The following ATE1 variants were observed in gnomAD, a reference collection of about 807,000 sequenced individuals.
ATE1 encodes arginyltransferase 1, also known as arginyl-tRNA--protein transferase 1.
A neutral mutation model predicts 70.5 loss-of-function variants in ATE1; 36 were observed. The ratio of observed to expected loss-of-function variants is 0.51; its 90% confidence interval spans 0.39 to 0.67. ATE1 has a LOEUF of 0.67. Among genes scored for constraint, ATE1 ranks in the 30% least tolerant of loss-of-function variants. ATE1 has a pLI of 0.00. For missense variants in ATE1, 593 were observed against 629.5 expected, an observed-to-expected ratio of 0.94 and a Z score of 0.62; for synonymous variants, 232 against 219.3, an observed-to-expected ratio of 1.06 and a Z score of -0.51.
intron 8 of ATE1, among the ~76,000 whole-genome samples, chr10:121,843,677 A>G (rs557709241): frequency 1.3e-5 from 2 of 152,196 alleles, no homozygotes; most frequent in African/African-American, 4.8e-5. Context: ...GCAATAGAGA[A>G]AGAATACTCT....
intron 5 of ATE1, among the ~76,000 whole-genome samples, chr10:121,905,031 C>T (rs1045258547): frequency 9.2e-5 from 14 of 152,204 alleles, no homozygotes; most frequent in African/African-American, 3.4e-4. Flanking sequence ...TGTCTTTTCT[C>T]AAATTTGCTC....
In ATE1 at chr10:121,927,796, G is replaced by A. The variant is rs372104835; in HGVS notation, c.106+48C>T. On this transcript the variant is annotated intron_variant, in intron 1 of 11. Coordinates refer to ENST00000224652, the MANE Select transcript of ATE1 (RefSeq NM_001001976.3). Reference sequence around the variant, plus strand: ...CCTCGCTGGGGGACCCTGGGATCCCGAGACCCGGGCGCCCGGCTTCCCACG... The same window carrying A: ...CCTCGCTGGGGGACCCTGGGATCCCAAGACCCGGGCGCCCGGCTTCCCACG... The A allele has an allele frequency of 7.6e-5, 115 of 1,518,932 alleles. 2 individuals carry two copies. The highest frequency in any genetic ancestry group is 2.3e-4 in the Middle Eastern group (1 of 4,264). 94.1% of individuals were successfully genotyped at this position (1,518,932 alleles called of 1,614,324 possible).
intron 10 of ATE1, among the ~76,000 whole-genome samples, chr10:121,826,361 A>C (rs1948011870): frequency 6.6e-6 from 1 of 152,098 alleles, no homozygotes; most frequent in Non-Finnish European, 1.5e-5. Context: ...GCTGGAGTGC[A>C]GTGGCGCAAT....
chr10:121,794,787 G>A (rs892253966), intron 10 of ATE1, among the ~76,000 whole-genome samples: 2 of 152,136 alleles, frequency 1.3e-5, no homozygotes, highest in South Asian at 4.2e-4. Flanking sequence ...AAAAAGCACA[G>A]GACAAATATC....
intron 7 of ATE1, among the ~76,000 whole-genome samples, chr10:121,892,061 T>G (rs1169477688): frequency 6.6e-6 from 1 of 152,198 alleles, no homozygotes; most frequent in East Asian, 1.9e-4. Flanking sequence ...AAAGTACATT[T>G]GAACTCCACA....
chr10:121,841,683 G>GT (rs1948634697), intron 8 of ATE1, among the ~76,000 whole-genome samples: 1 of 152,092 alleles, frequency 6.6e-6, no homozygotes, highest in Admixed American at 6.6e-5. Flanking sequence ...ACCAAACACT[G>GT]TATCTTCTCA....
chr10:121,786,907 TA>T (rs1239651055), intron 11 of ATE1, among the ~76,000 whole-genome samples: 1 of 152,198 alleles, frequency 6.6e-6, no homozygotes, highest in Non-Finnish European at 1.5e-5. Context: ...GTTACTAATT[TA>T]AAAAATCTAA....
chr10:121,789,664 G>T (rs1397032029), intron 11 of ATE1, among the ~76,000 whole-genome samples: 2 of 152,044 alleles, frequency 1.3e-5, no homozygotes, highest in Non-Finnish European at 2.9e-5. Context: ...GAACAATGGG[G>T]AACAAAATAT....
At chr10:121,836,206 TC>T (rs1331570647) in intron 10 of ATE1, among the ~76,000 whole-genome samples, 1 of 152,130 alleles carries the variant, frequency 6.6e-6, no homozygotes, top group African/African-American at 2.4e-5. Flanking sequence ...ACCCATGTCC[TC>T]CTAGGCCACT....
intron 11 of ATE1, among the ~76,000 whole-genome samples, chr10:121,745,451 T>A (rs1339139520): frequency 3.9e-5 from 6 of 152,296 alleles, no homozygotes; most frequent in South Asian, 2.1e-4. Context: ...GTGCAGTGGC[T>A]CACGCCTGTA....
chr10:121,789,808 T>C (rs954862116), intron 11 of ATE1, among the ~76,000 whole-genome samples: 2 of 152,186 alleles, frequency 1.3e-5, no homozygotes, highest in African/African-American at 2.4e-5. Context: ...TTGGTCAATA[T>C]TTCCATCTTC....
chr10:121,842,800 C>A (rs1345340770), intron 8 of ATE1, among the ~76,000 whole-genome samples: 1 of 152,106 alleles, frequency 6.6e-6, no homozygotes, highest in Non-Finnish European at 1.5e-5. Context: ...CAAGACCCAA[C>A]ACCTATTCAT....
chr10:121,851,976 C>A (rs1431461973), intron 8 of ATE1, among the ~76,000 whole-genome samples: 1 of 152,254 alleles, frequency 6.6e-6, no homozygotes, highest in Admixed American at 6.5e-5. Context: ...TCCAGCCAAA[C>A]TGCTCCCAAA....
intron 10 of ATE1, among the ~76,000 whole-genome samples, chr10:121,836,434 A>G (rs1948435460): frequency 6.6e-6 from 1 of 152,146 alleles, no homozygotes; most frequent in African/African-American, 2.4e-5. Context: ...GGCTACGCAT[A>G]CTCAGGAAAC....
chr10:121,898,307 A>G (rs1447802407), intron 7 of ATE1, among the ~76,000 whole-genome samples: 1 of 152,222 alleles, frequency 6.6e-6, no homozygotes, highest in Non-Finnish European at 1.5e-5. Context: ...AATAAATTAC[A>G]TGAGATATTC....
chr10:121,841,246 AT>A lies in ATE1; in HGVS notation c.992del (p.Asn331MetfsTer25). 1 of 1,521,766 alleles carries A rather than the reference AT, an allele frequency of 6.6e-7. No individual in the cohort carries two copies. Among genetic ancestry groups the A allele is most frequent in the Non-Finnish European group, 8.9e-7 (1 of 1,127,794 alleles). The allele number at this position is 1,521,766 out of a possible 1,614,324, so 94.3% of individuals were successfully genotyped here. A position where few individuals can be genotyped will look rare whatever the true frequency, so the allele number is the denominator to read the frequency against. ...AGGAGCCATAGCCACAATCTGGCCCATTAGGGGGAGTCTCTGCCTAAGAAAA... is the reference window on the plus strand; with the variant it reads ...AGGAGCCATAGCCACAATCTGGCCCATAGGGGGAGTCTCTGCCTAAGAAAA... ...SSPLEAETPP[N>X]GPDCGYGSFH... is the part of the protein sequence containing the mutation. On this transcript the variant is annotated frameshift_variant, in exon 9 of 12. Transcript: ENST00000224652. LOFTEE classifies it high-confidence loss of function.
At chr10:121,927,341 CTT>C (rs199889526) in intron 1 of ATE1, 9 of 858,522 alleles carry the variant, frequency 1.0e-5, no homozygotes, top group Admixed American at 6.5e-5. Context: ...TTTTTTTTAA[CTT>C]TTTTTTTTTT....
chr10:121,917,765 A>T, intron 3 of ATE1, among the ~76,000 whole-genome samples: 1 of 152,056 alleles, frequency 6.6e-6, no homozygotes, highest in Non-Finnish European at 1.5e-5. Flanking sequence ...GAAATGGGAC[A>T]GGGGGGTTGG....
Position 121,910,922 on chromosome 10 carries a change from G to A in ATE1, c.567C>T (p.His189=). Residue 189 remains histidine, a synonymous_variant, in exon 5 of 12, where the codon CAC becomes CAT. Coordinates refer to ENST00000224652, the MANE Select transcript of ATE1 (RefSeq NM_001001976.3). ...SGEPSHSVKV[H]TVPKPGKGAD... ...CTTTACTACCTGGCTTAGGAACTGT[G>A]TGAACTTTAACTGAATGTGACGGTT... is the stretch of plus-strand genomic sequence containing the variant. The A allele has an allele frequency of 6.2e-7, 1 of 1,613,432 alleles. No homozygotes were observed. Among genetic ancestry groups the A allele is most frequent in the Non-Finnish European group, 8.5e-7 (1 of 1,179,898 alleles).
Sources: allele counts gnomAD v4.1 joint callset (sites outside exome capture counted in the v4.1 genomes callset), GRCh38; gene constraint gnomAD v4.1.1; transcripts MANE v1.5; gene names NCBI Gene and HGNC (gene_info 2026-07-23, HGNC 2026-07-21).